The following FHL5 variants were observed in gnomAD, a reference collection of about 807,000 sequenced individuals.
The protein encoded by FHL5 is four and a half LIM domains protein 5.
Under a neutral mutation model 32.0 loss-of-function variants are expected in FHL5, and 33 were observed. The observed-to-expected ratio is 1.03, with a 90% confidence interval of 0.78 to 1.38. FHL5 has a LOEUF of 1.38. Among genes scored for constraint, FHL5 ranks in the 40% most tolerant of loss-of-function variants. FHL5 has a pLI of 0.00. For missense variants in FHL5, 336 were observed against 343.9 expected, an observed-to-expected ratio of 0.98 and a Z score of 0.18; for synonymous variants, 114 against 113.6, an observed-to-expected ratio of 1.00 and a Z score of -0.02.
At chr6:96,596,450 T>A (rs1389579978) in intron 1 of FHL5, among the ~76,000 whole-genome samples, 2 of 152,128 alleles carry the variant, frequency 1.3e-5, no homozygotes, top group African/African-American at 4.8e-5. Context: ...TTTGAAGACA[T>A]CATTTACCTT....
At chr6:96,574,873 T>C (rs189071968) in intron 1 of FHL5, among the ~76,000 whole-genome samples, 1 of 152,318 alleles carries the variant, frequency 6.6e-6, no homozygotes, top group Admixed American at 6.5e-5. Context: ...TGAAAAAGAT[T>C]GATTAGTAGA....
intron 1 of FHL5, among the ~76,000 whole-genome samples, chr6:96,593,898 T>C (rs1770973199): frequency 6.6e-6 from 1 of 152,092 alleles, no homozygotes; most frequent in Non-Finnish European, 1.5e-5. Context: ...GTTTGAATTA[T>C]ACAGAGTACC....
chr6:96,591,939 T>C (rs1486378132), intron 1 of FHL5, among the ~76,000 whole-genome samples: 2 of 152,112 alleles, frequency 1.3e-5, no homozygotes, highest in African/African-American at 4.8e-5. Context: ...GGAGGGAGTG[T>C]ACGAATAGGG....
chr6:96,603,744 G>T lies in FHL5; in HGVS notation c.131G>T (p.Cys44Phe), dbSNP rs528525291. ...GTATTTTCTAACTATTGCGAGGAAT[G>T]CAAAAAACCAATTGAATCTGATTCT... The part of the protein sequence containing the change: ...DRVFSNYCEE[C>F]KKPIESDSKD... Residue 44 changes from cysteine (C) to phenylalanine (F), a missense_variant, in exon 2 of 6, where the codon TGC becomes TTC. Physicochemically the swap from Cys to Phe is radical, Grantham distance 205 (BLOSUM62 -2). Coordinates refer to ENST00000450218, the MANE Select transcript of FHL5 (RefSeq NM_001322466.2). The T allele has an allele frequency of 3.7e-6, 6 of 1,609,130 alleles. No individual in the cohort carries two copies. The African/African-American group carries it at 8.0e-5, about 22-fold the overall frequency.
At chr6:96,587,245 CAA>C (rs370889950) in intron 1 of FHL5, among the ~76,000 whole-genome samples, 1,590 of 152,290 alleles carry the variant, frequency 0.01, 25 homozygotes, top group African/African-American at 0.037. Flanking sequence ...TCTCATCAAA[CAA>C]GAGCAATTTT....
intron 1 of FHL5, among the ~76,000 whole-genome samples, chr6:96,595,119 CT>C (rs1247874523): frequency 1.3e-5 from 2 of 151,112 alleles, no homozygotes; most frequent in Middle Eastern, 3.2e-3. Context: ...TTTTTTCTTT[CT>C]TTTTTTTCAA....
Position 96,615,768 on chromosome 6 carries a change from T to C in FHL5, c.851T>C (p.Ile284Thr), listed in dbSNP as rs770259141. ...TGTGGCTCCGGAATGGACACTGACA[T>C]CTAGGAGACAGTCCTTGCCCACCTA... The part of the protein sequence containing the change: ...QKCGSGMDTD[I>T] The change falls in exon 6 of 6, where the codon ATC becomes ACC. Residue 284 changes from isoleucine to threonine, a missense_variant. By Grantham distance (89) the Ile-to-Thr change is moderately conservative (BLOSUM62 -1). Transcript: ENST00000450218. 5 of 1,604,350 alleles carry C rather than the reference T, an allele frequency of 3.1e-6. No homozygotes were observed. Among genetic ancestry groups the C allele is most frequent in the Non-Finnish European group, 4.3e-6 (5 of 1,175,054 alleles).
Position 96,603,653 on chromosome 6 carries a change from T to A in FHL5, c.40T>A (p.Ser14Thr), listed in dbSNP as rs1771203471. 2 of 1,613,264 alleles carry A rather than the reference T, an allele frequency of 1.2e-6. No individual in the cohort carries two copies. Among genetic ancestry groups the A allele is most frequent in the Non-Finnish European group, 1.7e-6 (2 of 1,179,666 alleles). ...CTTTTACTGTCAATACTGCACAGCA[T>A]CACTTCTTGGGAAGAAATATGTACT... is the stretch of plus-strand genomic sequence containing the variant. Reference protein sequence around the residue: ...AHFYCQYCTASLLGKKYVLKD... With the variant: ...AHFYCQYCTATLLGKKYVLKD... The change falls in exon 2 of 6, where the codon TCA becomes ACA. Residue 14 changes from serine to threonine, a missense_variant. Physicochemically the swap from Ser to Thr is moderately conservative, Grantham distance 58. Coordinates refer to ENST00000450218, the MANE Select transcript of FHL5 (RefSeq NM_001322466.2).
intron 1 of FHL5, among the ~76,000 whole-genome samples, chr6:96,577,380 A>G (rs1770605395): frequency 6.6e-6 from 1 of 151,952 alleles, no homozygotes; most frequent in Admixed American, 6.6e-5. Context: ...CCCCCAACAC[A>G]CATACACACA....
intron 3 of FHL5, 121 bp downstream of exon 3, chr6:96,605,045 T>C (rs1562063741): frequency 1.7e-6 from 1 of 581,850 alleles, no homozygotes. Context: ...TCTTTCTTAC[T>C]CTCTCAATCT....
At chr6:96,573,414 T>C (rs1043005716) in intron 1 of FHL5, among the ~76,000 whole-genome samples, 24 of 152,198 alleles carry the variant, frequency 1.6e-4, no homozygotes, top group African/African-American at 3.9e-4. Context: ...GCTGTCATGC[T>C]ATCTAAATTA....
intron 3 of FHL5, 142 bp from the exon 4 acceptor site, chr6:96,605,760 C>A: frequency 2.9e-6 from 2 of 698,042 alleles, no homozygotes; most frequent in Non-Finnish European, 4.5e-6. Context: ...TTTTTTTGAA[C>A]CTGAAAAAAT....
chr6:96,614,212 C>T (rs1451274187), intron 5 of FHL5, among the ~76,000 whole-genome samples: 1 of 151,904 alleles, frequency 6.6e-6, no homozygotes, highest in African/African-American at 2.4e-5. Context: ...TTAAGAAAAA[C>T]TCATGAGCAT....
At chr6:96,565,251 A>T (rs1249851375) in intron 1 of FHL5, among the ~76,000 whole-genome samples, 2 of 152,164 alleles carry the variant, frequency 1.3e-5, no homozygotes, top group African/African-American at 2.4e-5. Context: ...TGTCAACAGC[A>T]AGGTTTACAT....
intron 5 of FHL5, 86 bp downstream of exon 5, chr6:96,610,844 A>T (rs1452474410): frequency 2.4e-5 from 23 of 961,770 alleles, no homozygotes; most frequent in Non-Finnish European, 3.6e-5. Context: ...AAAAGCAATT[A>T]AAAAATGGGA....
Position 96,610,710 on chromosome 6 carries a change from A to T in FHL5, c.643A>T (p.Asn215Tyr). 1 of 1,614,006 alleles carries T rather than the reference A, an allele frequency of 6.2e-7. No homozygotes were observed. Among genetic ancestry groups the T allele is most frequent in the East Asian group, 2.2e-5 (1 of 44,880 alleles). Reference sequence around the variant, plus strand: ...CTATCCATTCTGCGTGGACTGCTACAACCATCTTTATGCCAACAAGTGTGT... The same window carrying T: ...CTATCCATTCTGCGTGGACTGCTACTACCATCTTTATGCCAACAAGTGTGT... The part of the protein sequence containing the change: ...DDYPFCVDCY[N>Y]HLYANKCVAC... The change falls in exon 5 of 6, where the codon AAC becomes TAC. Residue 215 changes from asparagine to tyrosine, a missense_variant. Asn to Tyr is a moderately radical substitution (Grantham distance 143, BLOSUM62 -2). Transcript: ENST00000450218.
chr6:96,568,623 A>G (rs1175125747), intron 1 of FHL5, among the ~76,000 whole-genome samples: 1 of 151,876 alleles, frequency 6.6e-6, no homozygotes, highest in Non-Finnish European at 1.5e-5. Context: ...ACTTTTTATT[A>G]CAGACTTAAT....
In FHL5 at chr6:96,597,931, A is replaced by C. The variant is rs1435277513; in HGVS notation, c.-12-5671A>C. On this transcript the variant is annotated intron_variant, in intron 1 of 5. Transcript: ENST00000450218. ...TAAGTTTTGGTTTGCTCATCCATCA[A>C]ATGAGCATAATAATAATAGACCTCC... Among the ~76,000 whole-genome samples, 3 of 152,276 alleles carry C rather than the reference A, an allele frequency of 2.0e-5. No homozygotes were observed. The East Asian group carries it at 5.8e-4, about 29-fold the overall frequency.
chr6:96,570,971 CA>C (rs1199322260), intron 1 of FHL5, among the ~76,000 whole-genome samples: 1 of 151,912 alleles, frequency 6.6e-6, no homozygotes, highest in Non-Finnish European at 1.5e-5. Context: ...CATTATTTTA[CA>C]TTTTTTTGGC....
Sources: allele counts gnomAD v4.1 joint callset (sites outside exome capture counted in the v4.1 genomes callset), GRCh38; gene constraint gnomAD v4.1.1; transcripts MANE v1.5; gene names NCBI Gene and HGNC (gene_info 2026-07-23, HGNC 2026-07-21).